The following CYRIB variants were observed in gnomAD, a reference collection of about 807,000 sequenced individuals.
CYRIB encodes CYFIP related Rac1 interactor B, also known as CYFIP-related Rac1 interactor B.
In CYRIB, 8 loss-of-function variants were observed where a neutral mutation model predicts 44.2. The observed-to-expected ratio is 0.18, with a 90% CI of 0.11 to 0.33. The LOEUF is 0.33. CYRIB is among the 10% of genes least tolerant of loss of function. The pLI, the probability that CYRIB is intolerant of heterozygous loss-of-function variation, is 1.00. For synonymous variants in CYRIB, 131 were observed against 127.2 expected, an observed-to-expected ratio of 1.03 and a Z score of -0.20; for missense variants, 185 against 382.8, an observed-to-expected ratio of 0.48 and a Z score of 4.31.
exon 12 of CYRIB, chr8:129,839,693 T>C (rs1374838965): frequency 6.6e-6 from 1 of 152,232 alleles, no homozygotes; most frequent in East Asian, 1.9e-4. Context: ...TTCAACCTTT[T>C]TAAAAACCAT....
At chr8:129,982,397 ATTTAAT>A (rs1001101719) in intron 1 of CYRIB, among the ~76,000 whole-genome samples, 46 of 152,260 alleles carry the variant, frequency 3.0e-4, no homozygotes, top group African/African-American at 9.6e-4. Context: ...TTTTAATTTT[ATTTAAT>A]TTTAACTAAC....
chr8:129,890,173 C>G (rs1389924661), intron 2 of CYRIB, among the ~76,000 whole-genome samples: 5 of 152,184 alleles, frequency 3.3e-5, no homozygotes, highest in Non-Finnish European at 2.9e-5. Flanking sequence ...CTGGCAAGGT[C>G]TGAAAGTACT....
intron 1 of CYRIB, among the ~76,000 whole-genome samples, chr8:129,927,085 C>A (rs1212228464): frequency 1.3e-5 from 2 of 151,892 alleles, no homozygotes; most frequent in Non-Finnish European, 2.9e-5. Flanking sequence ...GAGTTTGAGA[C>A]CAGGCTAGCC....
At chr8:130,015,532 G>T (rs1390317826) in intron 1 of CYRIB, among the ~76,000 whole-genome samples, 1 of 152,128 alleles carries the variant, frequency 6.6e-6, no homozygotes, top group Non-Finnish European at 1.5e-5. Flanking sequence ...CTCCCCCGCA[G>T]CCCCAGCTCT....
At chr8:129,940,215 G>A (rs1649589360), upstream of CYRIB, among the ~76,000 whole-genome samples, 1 of 152,134 alleles carries the variant, frequency 6.6e-6, no homozygotes, top group Admixed American at 6.5e-5. Flanking sequence ...TGGACCTCGG[G>A]ACTCGATGCT....
At chr8:129,940,504 G>A (rs961469921), upstream of CYRIB, among the ~76,000 whole-genome samples, 1 of 152,106 alleles carries the variant, frequency 6.6e-6, no homozygotes, top group Non-Finnish European at 1.5e-5. Flanking sequence ...GTCGACTCTG[G>A]GCAAAAATAT....
At chr8:129,895,186 A>G (rs974735010) in intron 2 of CYRIB, among the ~76,000 whole-genome samples, 2 of 150,262 alleles carry the variant, frequency 1.3e-5, no homozygotes, top group Admixed American at 1.3e-4. Flanking sequence ...TTTTTTTTGT[A>G]GAGACAGGAT....
chr8:129,881,298 C>T (rs931144942), intron 2 of CYRIB, among the ~76,000 whole-genome samples: 1 of 152,180 alleles, frequency 6.6e-6, no homozygotes, highest in Non-Finnish European at 1.5e-5. Context: ...CACGGCTACC[C>T]ACATCCTCCT....
intron 5 of CYRIB, among the ~76,000 whole-genome samples, chr8:129,857,426 G>A (rs191618462): frequency 6.6e-6 from 1 of 152,184 alleles, no homozygotes; most frequent in Non-Finnish European, 1.5e-5. Context: ...ACTGAGAAGA[G>A]CATGACATAC....
chr8:129,888,524 C>T (rs755445750), intron 2 of CYRIB, among the ~76,000 whole-genome samples: 2 of 152,160 alleles, frequency 1.3e-5, no homozygotes, highest in African/African-American at 2.4e-5. Context: ...AGCCTGCTTG[C>T]AGTTTCTGCT....
chr8:129,904,381 T>A (rs1168149292), intron 1 of CYRIB, 118 bp downstream of exon 3: 1 of 152,004 alleles, frequency 6.6e-6, no homozygotes, highest in African/African-American at 2.4e-5. Flanking sequence ...AGAGATGGGA[T>A]CTAGCAAATA....
chr8:129,858,371 C>T lies in CYRIB; in HGVS notation c.302-2624G>A, dbSNP rs112597983. On this transcript the variant is annotated intron_variant, in intron 5 of 11. Coordinates refer to ENST00000519824, the Ensembl canonical transcript of CYRIB. ...TTCTGGAAGAACCAAAGGAAGCTGG[C>T]AGATGAGTGCAGGAGCCAAAACCAC... Among the ~76,000 whole-genome samples the T allele has an allele frequency of 3.6e-3, 550 of 152,274 alleles. 5 individuals carry two copies. The highest frequency in any genetic ancestry group is 0.012 in the African/African-American group (518 of 41,548).
At position 129,985,926 on chromosome 8, in the gene CYRIB, G is replaced by A. The variant is rs115213862; in HGVS notation, c.-295-14931C>T. ...ACTTTCAAACCAGCCACTTCCCACC[G>A]GCATGGCTGCCCAGCTGTTAAAATA... On this transcript the variant is annotated intron_variant, in intron 1 of 14. Transcript: ENST00000401979. 3.0e-3 allele frequency among the ~76,000 whole-genome samples: 462 copies of A among 152,236 alleles called. 5 individuals are homozygous for A. Among genetic ancestry groups the A allele is most frequent in the African/African-American group, 0.011 (439 of 41,534 alleles).
intron 1 of CYRIB, among the ~76,000 whole-genome samples, chr8:130,011,613 T>C (rs2097217643): frequency 6.6e-6 from 1 of 151,388 alleles, no homozygotes; most frequent in South Asian, 2.1e-4. Context: ...GTCAGCAGAT[T>C]GAGACCATCC....
chr8:129,947,798 T>A (rs940567656), intron 2 of CYRIB: 1 of 152,244 alleles, frequency 6.6e-6, no homozygotes, highest in South Asian at 2.1e-4. Context: ...TACTGAATTG[T>A]AATCTGCTGT....
chr8:129,918,017 C>A (rs1006502561), intron 1 of CYRIB, among the ~76,000 whole-genome samples: 3 of 152,114 alleles, frequency 2.0e-5, no homozygotes, highest in African/African-American at 7.2e-5. Context: ...CACCCTAACT[C>A]GTATTACTTC....
chr8:129,846,960 A>T, intron 10 of CYRIB, 86 bp from the exon 13 acceptor site: 1 of 735,660 alleles, frequency 1.4e-6, no homozygotes, highest in Non-Finnish European at 2.2e-6. Flanking sequence ...AATCAAGACC[A>T]TAACTATGGA....
intron 1 of CYRIB, among the ~76,000 whole-genome samples, chr8:129,973,764 C>T (rs79033104): frequency 0.031 from 4,741 of 152,230 alleles, 121 homozygotes; most frequent in Non-Finnish European, 0.044. Context: ...AGTTCAATTC[C>T]AGCCTGGGCA....
intron 7 of CYRIB, among the ~76,000 whole-genome samples, chr8:129,853,938 T>A (rs142124702): frequency 1.0e-3 from 155 of 152,298 alleles, no homozygotes; most frequent in African/African-American, 2.9e-3. Flanking sequence ...TCTAAGAATA[T>A]AGAGACAAAA....
Sources: allele counts gnomAD v4.1 joint callset (sites outside exome capture counted in the v4.1 genomes callset), GRCh38; gene constraint gnomAD v4.1.1; transcripts MANE v1.5; gene names NCBI Gene and HGNC (gene_info 2026-07-23, HGNC 2026-07-21).